GPATCH2: variants seen among roughly 807,000 people sequenced by gnomAD.
The protein encoded by GPATCH2 is G patch domain-containing protein 2.
A neutral mutation model predicts 58.0 loss-of-function variants in GPATCH2; 51 were observed. The ratio of observed to expected loss-of-function variants is 0.88; its 90% confidence interval spans 0.70 to 1.11. The LOEUF is 1.11. Ranked by LOEUF, GPATCH2 falls within the 50% of genes most tolerant of loss-of-function variation. GPATCH2 has a pLI of 0.00. For synonymous variants in GPATCH2, 222 were observed against 218.5 expected (o/e 1.02, Z -0.14); for missense variants, 625 against 652.2 (o/e 0.96, Z 0.45).
chr1:217,557,801 A>G (rs1665719458), intron 5 of GPATCH2, among the ~76,000 whole-genome samples: 1 of 152,190 alleles, frequency 6.6e-6, no homozygotes, highest in Admixed American at 6.5e-5. Context: ...CTGCACCGAT[A>G]CTATACTGCC....
intron 5 of GPATCH2, among the ~76,000 whole-genome samples, chr1:217,538,236 G>A (rs958788828): frequency 2.6e-5 from 4 of 152,138 alleles, no homozygotes; most frequent in African/African-American, 9.7e-5. Flanking sequence ...CATACATGAA[G>A]CAGGTTCATG....
chr1:217,577,313 G>A (rs768500896), intron 5 of GPATCH2, among the ~76,000 whole-genome samples: 65 of 152,186 alleles, frequency 4.3e-4, no homozygotes, highest in Non-Finnish European at 8.4e-4. Context: ...TATTGTGAGA[G>A]GTGGCAGTAT....
intron 8 of GPATCH2, among the ~76,000 whole-genome samples, chr1:217,491,274 A>G (rs943832313): frequency 1.3e-5 from 2 of 152,308 alleles, no homozygotes; most frequent in African/African-American, 4.8e-5. Flanking sequence ...GCACTCTTTA[A>G]AAGAGACTAC....
intron 6 of GPATCH2, among the ~76,000 whole-genome samples, chr1:217,512,275 T>C (rs1216363020): frequency 6.6e-6 from 1 of 152,084 alleles, no homozygotes; most frequent in Non-Finnish European, 1.5e-5. Context: ...TGAGCCATGA[T>C]AGTGATTGCA....
chr1:217,608,986 G>A (rs1668493850), intron 5 of GPATCH2: 2 of 979,890 alleles, frequency 2.0e-6, no homozygotes, highest in South Asian at 9.5e-5. Context: ...AAAAGCAATG[G>A]CAACTTGAAG....
rs1669104049 is a variant in GPATCH2 at position 217,620,000 on chromosome 1, C to T, written c.556G>A (p.Glu186Lys). The change falls in exon 2 of 10, where the codon GAG (glutamate) becomes AAG (lysine). Residue 186 changes from glutamate (E) to lysine (K), a missense_variant. Coordinates refer to ENST00000366935, the MANE Select transcript of GPATCH2 (RefSeq NM_018040.5). ...SNKRTMTQPP[E>K]GCRDQDMDSD... is the part of the protein sequence containing the mutation. The stretch of plus-strand genomic sequence containing the variant: ...TCCATGTCCTGATCTCTACAACCCT[C>T]AGGTGGCTGGGTCATTGTCCGTTTG... 4 of 1,613,918 alleles carry T rather than the reference C, an allele frequency of 2.5e-6. No individual in the cohort carries two copies. The highest frequency in any genetic ancestry group is 3.4e-6 in the Non-Finnish European group (4 of 1,179,968).
intron 5 of GPATCH2, among the ~76,000 whole-genome samples, chr1:217,546,158 A>G (rs1665038904): frequency 6.6e-6 from 1 of 152,220 alleles, no homozygotes; most frequent in South Asian, 2.1e-4. Flanking sequence ...GGCACAAGCA[A>G]ATAGAAAAAC....
At chr1:217,594,241 C>T (rs1389890644) in intron 5 of GPATCH2, among the ~76,000 whole-genome samples, 1 of 152,036 alleles carries the variant, frequency 6.6e-6, no homozygotes, top group African/African-American at 2.4e-5. Flanking sequence ...GATTCATCTA[C>T]AGGAGCTAAT....
intron 5 of GPATCH2, among the ~76,000 whole-genome samples, chr1:217,521,602 C>T (rs1157116175): frequency 1.3e-5 from 2 of 152,038 alleles, no homozygotes; most frequent in African/African-American, 2.4e-5. Context: ...GAATAACAAA[C>T]GGCTCCCCTA....
chr1:217,488,552 C>T (rs888554709), intron 8 of GPATCH2, among the ~76,000 whole-genome samples: 9 of 151,854 alleles, frequency 5.9e-5, no homozygotes, highest in African/African-American at 1.9e-4. Context: ...TTTAGTTTTC[C>T]ACCCTTCCCT....
chr1:217,538,963 T>G (rs2102639725), intron 5 of GPATCH2, among the ~76,000 whole-genome samples: 1 of 152,296 alleles, frequency 6.6e-6, no homozygotes, highest in Middle Eastern at 3.4e-3. Context: ...TACCCTCTGC[T>G]TATCTAAAAG....
At chr1:217,545,111 C>CCTTTCT (rs1664968347) in intron 5 of GPATCH2, among the ~76,000 whole-genome samples, 2 of 152,216 alleles carry the variant, frequency 1.3e-5, no homozygotes, top group South Asian at 4.1e-4. Flanking sequence ...AGTGCCATTT[C>CCTTTCT]CTTTCTCTCT....
At chr1:217,447,833 G>A (rs1022778569) in intron 9 of GPATCH2, among the ~76,000 whole-genome samples, 2 of 152,130 alleles carry the variant, frequency 1.3e-5, no homozygotes, top group Non-Finnish European at 1.5e-5. Context: ...TGGCTCACGA[G>A]CCACCTGTAA....
intron 9 of GPATCH2, among the ~76,000 whole-genome samples, chr1:217,440,065 A>C (rs759773451): frequency 1.3e-5 from 2 of 152,188 alleles, no homozygotes; most frequent in East Asian, 3.9e-4. Context: ...ACAACAACAA[A>C]AAATTTCAGG....
chr1:217,593,147 CT>C (rs1463684232), intron 5 of GPATCH2, among the ~76,000 whole-genome samples: 3 of 151,904 alleles, frequency 2.0e-5, no homozygotes, highest in African/African-American at 7.2e-5. Flanking sequence ...TAGATTTTAA[CT>C]TCTTAACTAG....
At chr1:217,622,280 C>G (rs999338597) in intron 1 of GPATCH2, among the ~76,000 whole-genome samples, 1 of 152,154 alleles carries the variant, frequency 6.6e-6, no homozygotes, top group Non-Finnish European at 1.5e-5. Context: ...TGAAAGTAAA[C>G]TGAGCTCAAA....
chr1:217,561,287 A>T (rs1219812116), intron 5 of GPATCH2, among the ~76,000 whole-genome samples: 1 of 152,194 alleles, frequency 6.6e-6, no homozygotes, highest in Non-Finnish European at 1.5e-5. Context: ...TAATAAAATA[A>T]TCATAAACAC....
intron 5 of GPATCH2, among the ~76,000 whole-genome samples, chr1:217,604,712 T>C (rs1031356553): frequency 5.3e-5 from 8 of 152,186 alleles, no homozygotes; most frequent in Non-Finnish European, 1.2e-4. Flanking sequence ...AGCGCCCTTA[T>C]GTAAATTAAC....
chr1:217,431,960 T>C (rs555307785), intron 9 of GPATCH2, among the ~76,000 whole-genome samples: 136 of 152,304 alleles, frequency 8.9e-4, no homozygotes, highest in African/African-American at 3.2e-3. Flanking sequence ...CCTCCTTTAG[T>C]TCCTTTCCTC....
Sources: gnomAD v4.1 joint callset for allele counts (sites outside exome capture counted in the v4.1 genomes callset) on GRCh38, gnomAD v4.1.1 for gene constraint, MANE v1.5 for transcripts, NCBI Gene and HGNC (gene_info 2026-07-23, HGNC 2026-07-21) for gene names.